The following SERPINI2 variants were observed in gnomAD, a reference collection of about 807,000 sequenced individuals.
SERPINI2 encodes serpin I2.
Under a neutral mutation model 47.3 loss-of-function variants are expected in SERPINI2, and 48 were observed. The observed-to-expected ratio is 1.02, with a 90% CI of 0.81 to 1.29. The LOEUF is 1.29. Among genes scored for constraint, SERPINI2 ranks in the 50% most tolerant of loss-of-function variants. The probability of loss-of-function intolerance (pLI) is 0.00; values close to 1 mark genes in which losing one functional copy is unlikely to be tolerated. For synonymous variants in SERPINI2, 135 were observed against 149.3 expected (o/e 0.90, Z 0.70); for missense variants, 448 against 456.9 (o/e 0.98, Z 0.18).
At chr3:167,445,708 C>A (rs1235618508) in intron 8 of SERPINI2, among the ~76,000 whole-genome samples, 3 of 152,148 alleles carry the variant, frequency 2.0e-5, no homozygotes, top group African/African-American at 7.2e-5. Context: ...TAAACATAAA[C>A]TTGACAATTT....
At chr3:167,476,317 G>GA (rs1234732943), upstream of SERPINI2, among the ~76,000 whole-genome samples, 2 of 151,776 alleles carry the variant, frequency 1.3e-5, no homozygotes, top group Non-Finnish European at 2.9e-5. Flanking sequence ...GTAAGACACA[G>GA]AAAAAAAGAC....
intron 5 of SERPINI2, among the ~76,000 whole-genome samples, chr3:167,458,245 CTTTTTTTTTTTTTTT>C (rs949215365): frequency 3.8e-5 from 4 of 105,218 alleles, no homozygotes; most frequent in Admixed American, 1.1e-4. Context: ...GAATTTCTTT[CTTTTTTTTTTTTTTT>C]TTTTTTTTGA....
At position 167,465,054 on chromosome 3, in the gene SERPINI2, A is replaced by C. The variant is rs1577176271; in HGVS notation, c.866+152T>G. On this transcript the variant is annotated intron_variant, in intron 5 of 8. Transcript: ENST00000264677. Reference sequence around the variant, plus strand: ...TGCTAGCACAGGTAAGCCCTGCTTTAGTATCCAAAAGTAGAGTAAAATTTC... The same window carrying C: ...TGCTAGCACAGGTAAGCCCTGCTTTCGTATCCAAAAGTAGAGTAAAATTTC... 4.2e-5 allele frequency: 28 copies of C among 660,020 alleles called. No individual in the cohort carries two copies. In the East Asian group the frequency reaches 7.9e-4, roughly 19 times the overall value. The allele number at this position is 660,020 out of a possible 1,614,324, so 40.9% of individuals were successfully genotyped here. A position where few individuals can be genotyped will look rare whatever the true frequency, so the allele number is the denominator to read the frequency against.
At chr3:167,442,992 G>C (rs1168553313) in intron 8 of SERPINI2, among the ~76,000 whole-genome samples, 1 of 152,216 alleles carries the variant, frequency 6.6e-6, no homozygotes, top group Non-Finnish European at 1.5e-5. Flanking sequence ...TGAAATAATA[G>C]TGGGACGGCC....
intron 5 of SERPINI2, among the ~76,000 whole-genome samples, chr3:167,454,815 A>G (rs955915216): frequency 6.6e-6 from 1 of 152,188 alleles, no homozygotes; most frequent in Admixed American, 6.5e-5. Context: ...CCAGGTGTGA[A>G]GAAGCACTGC....
intron 8 of SERPINI2, among the ~76,000 whole-genome samples, chr3:167,445,830 A>G (rs1749463032): frequency 6.6e-6 from 1 of 152,180 alleles, no homozygotes; most frequent in Admixed American, 6.5e-5. Context: ...TGCTAATCCA[A>G]TCCACTACTT....
intron 5 of SERPINI2, among the ~76,000 whole-genome samples, chr3:167,460,383 G>A (rs1749951002): frequency 6.6e-6 from 1 of 152,256 alleles, no homozygotes; most frequent in East Asian, 1.9e-4. Flanking sequence ...TGAAGAAATT[G>A]TTCCTTTTGG....
chr3:167,460,154 A>G (rs1749946033), intron 5 of SERPINI2, among the ~76,000 whole-genome samples: 1 of 152,214 alleles, frequency 6.6e-6, no homozygotes, highest in Non-Finnish European at 1.5e-5. Flanking sequence ...CTGTTATAGC[A>G]GCTCTAGGAA....
At chr3:167,445,741 G>A (rs926803972) in intron 8 of SERPINI2, among the ~76,000 whole-genome samples, 3 of 152,022 alleles carry the variant, frequency 2.0e-5, no homozygotes, top group African/African-American at 7.2e-5. Flanking sequence ...CACATTTCTG[G>A]CTTCTCTTAC....
chr3:167,457,232 T>C (rs1199008562), intron 5 of SERPINI2, among the ~76,000 whole-genome samples: 1 of 152,170 alleles, frequency 6.6e-6, no homozygotes, highest in Middle Eastern at 3.2e-3. Context: ...CTATAAAGCC[T>C]CTCCCAAGGA....
At chr3:167,476,871 A>T (rs1750494119), upstream of SERPINI2, among the ~76,000 whole-genome samples, 1 of 151,992 alleles carries the variant, frequency 6.6e-6, no homozygotes, top group Middle Eastern at 3.2e-3. Flanking sequence ...AGCCTTTGCA[A>T]ATTATTTGGT....
chr3:167,453,836 C>T (rs1173795602), intron 5 of SERPINI2, among the ~76,000 whole-genome samples: 1 of 151,684 alleles, frequency 6.6e-6, no homozygotes, highest in Non-Finnish European at 1.5e-5. Context: ...GATTCCAAGT[C>T]AAAAGCAATC....
At chr3:167,449,191 C>G (rs1177384855) in intron 7 of SERPINI2, 125 bp downstream of exon 7, 5 of 682,194 alleles carry the variant, frequency 7.3e-6, no homozygotes, top group Middle Eastern at 2.4e-4. Context: ...CCTTTTTTTC[C>G]TCCTGAAGTG....
intron 5 of SERPINI2, among the ~76,000 whole-genome samples, chr3:167,463,021 C>G (rs1750026303): frequency 6.6e-6 from 1 of 152,062 alleles, no homozygotes; most frequent in African/African-American, 2.4e-5. Context: ...AAAAATCTAG[C>G]AATAAGTATC....
chr3:167,463,294 TA>T (rs995977587), intron 5 of SERPINI2, among the ~76,000 whole-genome samples: 6 of 151,706 alleles, frequency 4.0e-5, no homozygotes, highest in Admixed American at 2.0e-4. Flanking sequence ...TAGTAGGTGC[TA>T]AAAAAAATAT....
At chr3:167,462,165 G>A (rs1577174997) in intron 5 of SERPINI2, among the ~76,000 whole-genome samples, 1 of 152,304 alleles carries the variant, frequency 6.6e-6, no homozygotes, top group East Asian at 1.9e-4. Context: ...ATCATAATTG[G>A]TACCTGGTTT....
rs1468781536 is a variant in SERPINI2, at chr3:167,467,229, C to A, written c.304G>T (p.Glu102Ter). 2 of 1,612,940 alleles carry A rather than the reference C, an allele frequency of 1.2e-6. No individual in the cohort carries two copies. The highest frequency in any genetic ancestry group is 2.2e-5 in the East Asian group (1 of 44,792). ...GCATTGGCAAGATTAAATGTAAATT[C>A]TTGTTTTTTCTCTGAGATGGCAGAG... Residue 102 changes from glutamate (E) to a stop codon, truncating the protein, a stop_gained, in exon 3 of 9, where the codon GAA becomes TAA. Transcript: ENST00000264677. LOFTEE classifies it high-confidence loss of function.
intron 8 of SERPINI2, among the ~76,000 whole-genome samples, chr3:167,445,699 A>G (rs1243995347): frequency 1.3e-5 from 2 of 152,182 alleles, no homozygotes; most frequent in African/African-American, 4.8e-5. Flanking sequence ...GAAGGATCCT[A>G]AACATAAACT....
chr3:167,463,373 G>A (rs1053957519), intron 5 of SERPINI2, among the ~76,000 whole-genome samples: 2 of 152,100 alleles, frequency 1.3e-5, no homozygotes, highest in Admixed American at 1.3e-4. Context: ...AGAAGTTGGG[G>A]TTAGAGACTC....
Sources: gnomAD v4.1 joint callset for allele counts (sites outside exome capture counted in the v4.1 genomes callset) on GRCh38, gnomAD v4.1.1 for gene constraint, MANE v1.5 for transcripts, NCBI Gene and HGNC (gene_info 2026-07-23, HGNC 2026-07-21) for gene names.